WBP1L: variants seen among roughly 807,000 people sequenced by gnomAD.
The protein encoded by WBP1L is WW domain binding protein 1 like, also known as WW domain binding protein 1-like.
In WBP1L, 17 loss-of-function variants were observed where a neutral mutation model predicts 33.7. The observed-to-expected ratio is 0.50, with a 90% CI of 0.34 to 0.76. The LOEUF (loss-of-function observed/expected upper bound fraction) is 0.76, where lower values mean the gene tolerates loss of function less well. WBP1L is among the 30% of genes least tolerant of loss of function. The pLI, the probability that WBP1L is intolerant of heterozygous loss-of-function variation, is 0.01. For missense variants in WBP1L, 389 were observed against 469.4 expected, an observed-to-expected ratio of 0.83 and a Z score of 1.58; for synonymous variants, 173 against 190.8, an observed-to-expected ratio of 0.91 and a Z score of 0.77.
intron 1 of WBP1L, 123 bp downstream of exon 1, chr10:102,744,266 G>A (rs1448066446): frequency 1.1e-5 from 14 of 1,281,230 alleles, no homozygotes; most frequent in East Asian, 2.8e-5. Flanking sequence ...TCTATGCCTG[G>A]CGTGGACAGG....
At chr10:102,797,953 C>A in intron 1 of WBP1L, 40 bp from the exon 2 acceptor site, 1 of 1,564,238 alleles carries the variant, frequency 6.4e-7, no homozygotes, top group Non-Finnish European at 8.8e-7. Context: ...TGTTCAAAAG[C>A]TGTCATTTAA....
At chr10:102,761,603 C>T (rs1564755426) in intron 1 of WBP1L, among the ~76,000 whole-genome samples, 1 of 152,094 alleles carries the variant, frequency 6.6e-6, no homozygotes, top group Admixed American at 6.6e-5. Context: ...ATTACAGGCA[C>T]CTTCCACCAT....
intron 2 of WBP1L, among the ~76,000 whole-genome samples, chr10:102,809,554 T>A (rs1277594633): frequency 1.3e-5 from 2 of 150,020 alleles, no homozygotes; most frequent in African/African-American, 4.9e-5. Context: ...GTATTTTTAG[T>A]AGAGATGGGG....
chr10:102,744,026 G>T lies in WBP1L; in HGVS notation c.-28G>T, dbSNP rs1842829401. ...GGAGGAGGAGGGAGGTGGCGGCGCC[G>T]TGGCGGAGGAGCAGGAGCAGGAGGG... On this transcript the variant is annotated 5_prime_UTR_variant, in exon 1 of 4. Transcript: ENST00000448841. 7 of 1,518,230 alleles carry T rather than the reference G, an allele frequency of 4.6e-6. No individual in the cohort carries two copies. Among genetic ancestry groups the T allele is most frequent in the Non-Finnish European group, 6.2e-6 (7 of 1,120,380 alleles). The allele number at this position is 1,518,230 out of a possible 1,614,324, so 94.0% of individuals were successfully genotyped here.
chr10:102,800,770 C>T (rs931767511), intron 2 of WBP1L, among the ~76,000 whole-genome samples: 1 of 152,188 alleles, frequency 6.6e-6, no homozygotes, highest in African/African-American at 2.4e-5. Context: ...ATCAAAATGG[C>T]ACTTTTTGTT....
In WBP1L at chr10:102,761,024, A is replaced by G. The variant is rs572428715; in HGVS notation, c.90+16881A>G. Among the ~76,000 whole-genome samples the G allele has an allele frequency of 5.9e-5, 9 of 151,330 alleles. No homozygotes were observed. The South Asian group carries it at 1.9e-3, about 32-fold the overall frequency. ...TCCTCAGCTTCCTTAGTAGCTGGGAATACAAGTGTGTGCCACCACACCTGG... is the reference window on the plus strand; with the variant it reads ...TCCTCAGCTTCCTTAGTAGCTGGGAGTACAAGTGTGTGCCACCACACCTGG... On this transcript the variant is annotated intron_variant, in intron 1 of 3. Transcript: ENST00000448841.
chr10:102,777,549 A>G (rs552088701), intron 1 of WBP1L, among the ~76,000 whole-genome samples: 9 of 148,588 alleles, frequency 6.1e-5, no homozygotes, highest in African/African-American at 2.0e-4. Context: ...TGCCCCCACA[A>G]GAAAGGCTGT....
chr10:102,798,951 C>A (rs908597211), intron 2 of WBP1L, among the ~76,000 whole-genome samples: 3 of 152,196 alleles, frequency 2.0e-5, no homozygotes. Flanking sequence ...TGAGGCTCAG[C>A]TCCTTTTATT....
At chr10:102,789,652 C>A (rs1348511441) in intron 1 of WBP1L, among the ~76,000 whole-genome samples, 1 of 152,054 alleles carries the variant, frequency 6.6e-6, no homozygotes, top group African/African-American at 2.4e-5. Flanking sequence ...GTCTTCCCAA[C>A]TGGAACATAT....
chr10:102,771,643 A>G (rs1402963426), intron 1 of WBP1L, among the ~76,000 whole-genome samples: 2 of 151,884 alleles, frequency 1.3e-5, no homozygotes, highest in Non-Finnish European at 2.9e-5. Flanking sequence ...CCCCATCTCT[A>G]ATAAAAAGAC....
At chr10:102,784,000 G>C (rs1359006893) in intron 1 of WBP1L, among the ~76,000 whole-genome samples, 1 of 152,150 alleles carries the variant, frequency 6.6e-6, no homozygotes, top group Non-Finnish European at 1.5e-5. Flanking sequence ...TTTTCACATT[G>C]GTTGTTCCTT....
At chr10:102,782,214 CTTT>C (rs397961661) in intron 1 of WBP1L, among the ~76,000 whole-genome samples, 6 of 49,154 alleles carry the variant, frequency 1.2e-4, no homozygotes, top group Admixed American at 6.6e-4. Context: ...AAAGAAGCTG[CTTT>C]TTTTTTTTTT....
Position 102,810,044 on chromosome 10 carries a change from AT to A in WBP1L, c.349del (p.Tyr117IlefsTer17). On this transcript the variant is annotated frameshift_variant, in exon 3 of 4. Transcript: ENST00000448841. LOFTEE classifies it high-confidence loss of function. ...AAGCCCACAATTACTCAGCGCTGCC[AT>A]TTTATTTCAGTACGTACACCCAAGC... ...REAHNYSALP[F>X]YFRFLPNYLL... The A allele has an allele frequency of 6.2e-7, 1 of 1,611,622 alleles. No homozygotes were observed.
intron 1 of WBP1L, among the ~76,000 whole-genome samples, chr10:102,797,245 A>G (rs1395491387): frequency 6.6e-6 from 1 of 152,258 alleles, no homozygotes; most frequent in African/African-American, 2.4e-5. Flanking sequence ...GCAGATGCTA[A>G]TCCTAGAATA....
Position 102,815,395 on chromosome 10 carries a change from C to T in WBP1L, c.*2064C>T, listed in dbSNP as rs1396526192. 1 of 152,636 alleles carries T rather than the reference C, an allele frequency of 6.6e-6. No individual in the cohort carries two copies. Among genetic ancestry groups the T allele is most frequent in the African/African-American group, 2.4e-5 (1 of 41,450 alleles). The allele number at this position is 152,636 out of a possible 1,614,324, so 9.5% of individuals were successfully genotyped here. On this transcript the variant is annotated 3_prime_UTR_variant, in exon 4 of 4. Coordinates refer to ENST00000448841, the MANE Select transcript of WBP1L (RefSeq NM_001083913.2). ...CTGCTGCTGGTCCTCAGTACCAGCG[C>T]CCGGGGGTGTCCACAACCACTTGGG... is the stretch of plus-strand genomic sequence containing the variant.
chr10:102,776,115 T>G, intron 1 of WBP1L: 1 of 1,335,752 alleles, frequency 7.5e-7, no homozygotes, highest in East Asian at 3.2e-5. Flanking sequence ...CTGATGTCAT[T>G]TCCCCCTTGG....
intron 1 of WBP1L, among the ~76,000 whole-genome samples, chr10:102,757,569 CTTTTTT>C (rs60213859): frequency 2.3e-4 from 20 of 88,810 alleles, no homozygotes; most frequent in East Asian, 1.3e-3. Context: ...GTTTCTGAGC[CTTTTTT>C]TTTTTTTTTT....
intron 1 of WBP1L, among the ~76,000 whole-genome samples, chr10:102,778,453 A>G (rs1365002716): frequency 1.3e-5 from 2 of 152,202 alleles, no homozygotes; most frequent in Non-Finnish European, 2.9e-5. Flanking sequence ...GAGAGAATGA[A>G]GCAGTGGGTA....
intron 1 of WBP1L, among the ~76,000 whole-genome samples, chr10:102,758,024 A>G (rs770850803): frequency 1.3e-5 from 2 of 149,636 alleles, no homozygotes; most frequent in South Asian, 2.1e-4. Flanking sequence ...TAGCTGGACT[A>G]CAGGCGCCCG....
Sources: gnomAD v4.1 joint callset for allele counts (sites outside exome capture counted in the v4.1 genomes callset) on GRCh38, gnomAD v4.1.1 for gene constraint, MANE v1.5 for transcripts, NCBI Gene and HGNC (gene_info 2026-07-23, HGNC 2026-07-21) for gene names.